Variants in MAML3 observed in about 807,000 individuals in gnomAD.
MAML3 encodes mastermind like transcriptional coactivator 3.
In MAML3, 27 loss-of-function variants were observed where a neutral mutation model predicts 101.9. The observed-to-expected ratio is 0.27, with a 90% confidence interval of 0.20 to 0.37. The LOEUF is 0.37. Among genes scored for constraint, MAML3 ranks in the 10% least tolerant of loss-of-function variants. The probability of loss-of-function intolerance (pLI) is 1.00; values close to 1 mark genes in which losing one functional copy is unlikely to be tolerated. For synonymous variants in MAML3, 501 were observed against 555.9 expected (o/e 0.90, Z 1.39); for missense variants, 1,316 against 1,444.9 (o/e 0.91, Z 1.45).
intron 1 of MAML3, among the ~76,000 whole-genome samples, chr4:140,039,450 C>G (rs1727044563): frequency 6.6e-6 from 1 of 152,186 alleles, no homozygotes; most frequent in South Asian, 2.1e-4. Flanking sequence ...CATGAGTGGT[C>G]TGAGGACTAA....
At chr4:140,106,948 G>A (rs186432169) in intron 1 of MAML3, among the ~76,000 whole-genome samples, 152 of 152,298 alleles carry the variant, frequency 1.0e-3, no homozygotes, top group African/African-American at 3.4e-3. Flanking sequence ...TCGGCTCACT[G>A]CAACCTCTGC....
At chr4:139,833,043 A>T (rs1731196344) in intron 2 of MAML3, among the ~76,000 whole-genome samples, 1 of 152,246 alleles carries the variant, frequency 6.6e-6, no homozygotes, top group Non-Finnish European at 1.5e-5. Context: ...ATTATCTCAT[A>T]AGAGGGGTAT....
intron 1 of MAML3, among the ~76,000 whole-genome samples, chr4:139,928,476 T>C (rs1274003245): frequency 6.6e-6 from 1 of 151,988 alleles, no homozygotes; most frequent in Non-Finnish European, 1.5e-5. Context: ...TCTGGGAGTG[T>C]AGAGGAAGGA....
At chr4:139,773,095 G>C (rs1730027944) in intron 2 of MAML3, among the ~76,000 whole-genome samples, 1 of 152,054 alleles carries the variant, frequency 6.6e-6, no homozygotes, top group Non-Finnish European at 1.5e-5. Context: ...GTTTTAAAAA[G>C]AAGCATGAAA....
chr4:140,072,706 G>A (rs988792588), intron 1 of MAML3, among the ~76,000 whole-genome samples: 6 of 151,340 alleles, frequency 4.0e-5, no homozygotes, highest in East Asian at 1.9e-4. Context: ...GAGGACGTCC[G>A]TAAGTTATAT....
intron 2 of MAML3, among the ~76,000 whole-genome samples, chr4:139,773,278 G>C (rs750561239): frequency 2.6e-5 from 4 of 152,116 alleles, no homozygotes; most frequent in Non-Finnish European, 5.9e-5. Flanking sequence ...CCAGTCCCAA[G>C]CATCCTGTTA....
chr4:139,772,635 G>A (rs190090975), intron 2 of MAML3, among the ~76,000 whole-genome samples: 6 of 151,794 alleles, frequency 4.0e-5, no homozygotes, highest in African/African-American at 9.7e-5. Context: ...GAGCCACTGC[G>A]CCTGGCCAAA....
chr4:140,091,543 C>CA lies in MAML3; in HGVS notation c.468+61316dup, dbSNP rs1186102121. Among the ~76,000 whole-genome samples, 15 of 108,264 alleles carry CA rather than the reference C, an allele frequency of 1.4e-4. 1 individual carries two copies. The Admixed American group carries it at 1.5e-3, about 11-fold the overall frequency. 71.0% of individuals were successfully genotyped at this position (108,264 alleles called of 152,430 possible). ...ACAAAACAAAACAACAAAACAAAAA[C>CA]AAAACAAAAAAAAAAAACAGGACCA... is the stretch of plus-strand genomic sequence containing the variant. On this transcript the variant is annotated intron_variant, in intron 1 of 4. Transcript: ENST00000509479.
chr4:140,010,915 C>T (rs1726540803), intron 1 of MAML3, among the ~76,000 whole-genome samples: 1 of 151,604 alleles, frequency 6.6e-6, no homozygotes, highest in Non-Finnish European at 1.5e-5. Context: ...CCAGCCTGGC[C>T]AACATGGTGA....
intron 2 of MAML3, among the ~76,000 whole-genome samples, chr4:139,813,124 T>C (rs984885117): frequency 3.3e-5 from 5 of 151,062 alleles, no homozygotes; most frequent in Admixed American, 2.6e-4. Context: ...AAAACATCTT[T>C]CAAAAATAGA....
At chr4:139,883,790 G>A (rs1264862038) in intron 2 of MAML3, among the ~76,000 whole-genome samples, 1 of 150,212 alleles carries the variant, frequency 6.7e-6, no homozygotes, top group Non-Finnish European at 1.5e-5. Context: ...AGCTGTGCAT[G>A]TGTATTACTT....
At chr4:139,981,549 T>A in intron 1 of MAML3, among the ~76,000 whole-genome samples, 1 of 152,208 alleles carries the variant, frequency 6.6e-6, no homozygotes, top group East Asian at 1.9e-4. Flanking sequence ...TCACAACTAA[T>A]GAACAAATAT....
intron 1 of MAML3, among the ~76,000 whole-genome samples, chr4:139,975,975 G>A (rs1250137148): frequency 6.6e-6 from 1 of 152,188 alleles, no homozygotes; most frequent in Non-Finnish European, 1.5e-5. Context: ...AAAATAAAAT[G>A]ATGCATAGTT....
intron 1 of MAML3, among the ~76,000 whole-genome samples, chr4:140,026,118 T>C (rs1294170496): frequency 1.3e-5 from 2 of 152,208 alleles, no homozygotes; most frequent in South Asian, 2.1e-4. Context: ...GATTTTTTTT[T>C]CCAAGAAAAT....
At chr4:139,781,106 G>A (rs565851330) in intron 2 of MAML3, among the ~76,000 whole-genome samples, 1 of 152,140 alleles carries the variant, frequency 6.6e-6, no homozygotes, top group Admixed American at 6.5e-5. Context: ...TTACTCTCTG[G>A]ATGTTGCTTG....
intron 1 of MAML3, among the ~76,000 whole-genome samples, chr4:139,963,595 T>C (rs1438243231): frequency 5.9e-5 from 9 of 152,316 alleles, no homozygotes; most frequent in Middle Eastern, 3.4e-3. Context: ...TCAAAATGCA[T>C]TGGTAAAATG....
At chr4:139,922,679 G>C (rs956530357) in intron 1 of MAML3, among the ~76,000 whole-genome samples, 5 of 152,170 alleles carry the variant, frequency 3.3e-5, no homozygotes, top group Non-Finnish European at 7.3e-5. Context: ...TTCAAAATCA[G>C]CTCCAAAATG....
chr4:139,908,292 GA>G (rs1732855941), intron 1 of MAML3, among the ~76,000 whole-genome samples: 1 of 152,084 alleles, frequency 6.6e-6, no homozygotes, highest in Admixed American at 6.6e-5. Context: ...TCCTGATTTT[GA>G]AAATAGTAAG....
intron 1 of MAML3, among the ~76,000 whole-genome samples, chr4:139,908,467 G>A (rs549728176): frequency 1.3e-5 from 2 of 152,282 alleles, no homozygotes; most frequent in African/African-American, 4.8e-5. Flanking sequence ...AAGGTTATAA[G>A]GGGAATGTTT....
Sources: gnomAD v4.1 joint callset for allele counts (sites outside exome capture counted in the v4.1 genomes callset) on GRCh38, gnomAD v4.1.1 for gene constraint, MANE v1.5 for transcripts, NCBI Gene and HGNC (gene_info 2026-07-23, HGNC 2026-07-21) for gene names.